DGLUCY: variants seen among roughly 807,000 people sequenced by gnomAD.
DGLUCY encodes the protein D-glutamate cyclase.
DGLUCY carries 58 observed loss-of-function variants against 58.5 expected under a neutral mutation model. The observed-to-expected ratio is 0.99, with a 90% CI of 0.80 to 1.23. The LOEUF (loss-of-function observed/expected upper bound fraction) is 1.23, where lower values mean the gene tolerates loss of function less well. Ranked by LOEUF, DGLUCY falls within the 50% of genes most tolerant of loss-of-function variation. The pLI is 0.00. For missense variants in DGLUCY, 779 were observed against 784.7 expected (o/e 0.99, Z 0.09); for synonymous variants, 325 against 314.1 (o/e 1.03, Z -0.37).
In DGLUCY at chr14:91,181,264, G is replaced by T. The variant is rs748707396; in HGVS notation, c.809G>T (p.Cys270Phe). ...DLKDAKAPPG[C>F]LTPERIPEVH... ...AAGGATGCAAAGGCTCCACCTGGTT[G>T]TCTCACCCCAGAGAGAATTCCAGAG... Residue 270 changes from cysteine (C) to phenylalanine (F), a missense_variant, in exon 8 of 14, where the codon TGT (cysteine) becomes TTT (phenylalanine). Transcript: ENST00000256324. 6.8e-6 allele frequency: 11 copies of T among 1,614,160 alleles called. No homozygotes were observed. The highest frequency in any genetic ancestry group is 1.1e-5 in the South Asian group (1 of 91,086).
At chr14:91,071,880 A>G (rs1157317301) in intron 1 of DGLUCY, among the ~76,000 whole-genome samples, 1 of 151,992 alleles carries the variant, frequency 6.6e-6, no homozygotes, top group East Asian at 1.9e-4. Flanking sequence ...AAAAAAAAAA[A>G]GAACAAAATG....
rs1172564796 is a variant in DGLUCY, at chr14:91,214,531, CAG to C, written c.1565-873_1565-872del. Among the ~76,000 whole-genome samples the C allele has an allele frequency of 3.3e-5, 5 of 152,338 alleles. No homozygotes were observed. In the East Asian group the frequency reaches 9.6e-4, roughly 29 times the overall value. On this transcript the variant is annotated intron_variant, in intron 12 of 13. Transcript: ENST00000256324. ...TCTGAGGGTGGGCTTCCACGTGGCA[CAG>C]GGGATTCAGCTCAGCCAGAGGGGAG...
At chr14:91,157,307 A>G (rs1396696075) in intron 1 of DGLUCY, among the ~76,000 whole-genome samples, 2 of 150,226 alleles carry the variant, frequency 1.3e-5, no homozygotes, top group Non-Finnish European at 3.0e-5. Context: ...GGATGGATGA[A>G]TGGGTGGATG....
intron 12 of DGLUCY, among the ~76,000 whole-genome samples, chr14:91,212,729 G>A (rs920759408): frequency 1.3e-5 from 2 of 150,876 alleles, no homozygotes; most frequent in South Asian, 2.1e-4. Flanking sequence ...AAGGCTGGGC[G>A]CAGTGGCTCA....
At chr14:91,195,410 T>C (rs550658989) in intron 9 of DGLUCY, among the ~76,000 whole-genome samples, 1 of 152,174 alleles carries the variant, frequency 6.6e-6, no homozygotes, top group African/African-American at 2.4e-5. Context: ...TTTTTAAGAA[T>C]CAAATTCACT....
chr14:91,117,912 A>G (rs753498394), intron 1 of DGLUCY, among the ~76,000 whole-genome samples: 1 of 152,156 alleles, frequency 6.6e-6, no homozygotes, highest in Non-Finnish European at 1.5e-5. Flanking sequence ...CCAATTGGTA[A>G]TTAGTTAAAT....
At chr14:91,126,987 C>T (rs576964364) in intron 1 of DGLUCY, among the ~76,000 whole-genome samples, 15 of 151,142 alleles carry the variant, frequency 9.9e-5, no homozygotes, top group African/African-American at 3.6e-4. Context: ...CAGTGTGGTA[C>T]AGGCTGCCCA....
At chr14:91,075,372 G>A (rs1262848264) in intron 1 of DGLUCY, among the ~76,000 whole-genome samples, 3 of 152,012 alleles carry the variant, frequency 2.0e-5, no homozygotes, top group Non-Finnish European at 2.9e-5. Flanking sequence ...CGAACCCCTG[G>A]CCTCAAGTGA....
intron 11 of DGLUCY, 89 bp downstream of exon 11, chr14:91,199,994 AC>A (rs1229948129): frequency 3.8e-5 from 58 of 1,529,460 alleles, no homozygotes; most frequent in Non-Finnish European, 3.4e-5. Context: ...TTGCTCTGTC[AC>A]CCAGGCTGGA....
chr14:91,157,236 T>C lies in DGLUCY; in HGVS notation c.-81-403T>C, dbSNP rs532221269. On this transcript the variant is annotated intron_variant, in intron 1 of 13. Coordinates refer to ENST00000256324, the MANE Select transcript of DGLUCY (RefSeq NM_001102368.3). Reference sequence around the variant, plus strand: ...ATGGGTGGATGGATGGATGGGTGGATGGATGGATGGATGGATGGATGAATG... The same window carrying C: ...ATGGGTGGATGGATGGATGGGTGGACGGATGGATGGATGGATGGATGAATG... Among the ~76,000 whole-genome samples the C allele has an allele frequency of 3.7e-3, 418 of 111,694 alleles. 4 individuals carry two copies. Among genetic ancestry groups the C allele is most frequent in the African/African-American group, 0.014 (401 of 27,942 alleles). 73.3% of individuals were successfully genotyped at this position (111,694 alleles called of 152,430 possible). A position where few individuals can be genotyped will look rare whatever the true frequency, so the allele number is the denominator to read the frequency against.
At chr14:91,181,681 C>CT (rs112052513) in intron 8 of DGLUCY, among the ~76,000 whole-genome samples, 41,400 of 142,080 alleles carry the variant, frequency 0.29, 6,061 homozygotes, top group Non-Finnish European at 0.31. Flanking sequence ...TCTTTTTTTT[C>CT]TTTTTTTTTT....
chr14:91,156,752 T>C (rs2047641844), intron 1 of DGLUCY, among the ~76,000 whole-genome samples: 2 of 152,186 alleles, frequency 1.3e-5, no homozygotes, highest in Non-Finnish European at 2.9e-5. Flanking sequence ...TAGCCAGGGC[T>C]CACTGATTGG....
At chr14:91,191,970 C>A (rs952838849) in intron 9 of DGLUCY, among the ~76,000 whole-genome samples, 1 of 152,144 alleles carries the variant, frequency 6.6e-6, no homozygotes, top group African/African-American at 2.4e-5. Context: ...GTGGCTCAAA[C>A]AATTAAAAAC....
chr14:91,089,948 G>A (rs924062966), intron 1 of DGLUCY, among the ~76,000 whole-genome samples: 4 of 152,124 alleles, frequency 2.6e-5, no homozygotes, highest in Admixed American at 6.5e-5. Flanking sequence ...GATGTAACCC[G>A]GAATGGTCTC....
At chr14:91,174,283 C>T (rs2048739306) in intron 6 of DGLUCY, among the ~76,000 whole-genome samples, 1 of 152,086 alleles carries the variant, frequency 6.6e-6, no homozygotes, top group African/African-American at 2.4e-5. Flanking sequence ...TTGCAATATC[C>T]TTTATTTAAT....
intron 1 of DGLUCY, among the ~76,000 whole-genome samples, chr14:91,065,182 G>A (rs1284242743): frequency 6.6e-6 from 1 of 152,208 alleles, no homozygotes; most frequent in Non-Finnish European, 1.5e-5. Flanking sequence ...GGTTGGAACA[G>A]CCACTATGAG....
At chr14:91,139,634 G>A (rs566328174) in intron 1 of DGLUCY, among the ~76,000 whole-genome samples, 5 of 152,292 alleles carry the variant, frequency 3.3e-5, no homozygotes, top group South Asian at 4.1e-4. Flanking sequence ...GCAGTGCGCC[G>A]AGATCGTGCC....
At chr14:91,146,567 C>G (rs968101075) in intron 1 of DGLUCY, among the ~76,000 whole-genome samples, 2 of 152,160 alleles carry the variant, frequency 1.3e-5, no homozygotes, top group Non-Finnish European at 2.9e-5. Context: ...GTGACTGTGT[C>G]CCCCGGAGGA....
At chr14:91,062,232 A>T (rs1450316333) in intron 1 of DGLUCY, among the ~76,000 whole-genome samples, 3 of 152,068 alleles carry the variant, frequency 2.0e-5, no homozygotes, top group African/African-American at 4.8e-5. Flanking sequence ...TCTTCTTTTA[A>T]TTATTTTTGA....
Sources: gnomAD v4.1 joint callset for allele counts (sites outside exome capture counted in the v4.1 genomes callset) on GRCh38, gnomAD v4.1.1 for gene constraint, MANE v1.5 for transcripts, NCBI Gene and HGNC (gene_info 2026-07-23, HGNC 2026-07-21) for gene names.